Variants in SH3KBP1 observed in about 807,000 individuals in gnomAD.
SH3KBP1 encodes SH3 domain-containing kinase-binding protein 1.
SH3KBP1 carries 8 observed loss-of-function variants against 50.1 expected under a neutral mutation model. That is an observed-to-expected ratio of 0.16 (90% CI 0.09 to 0.29). The LOEUF is 0.29. Among genes scored for constraint, SH3KBP1 ranks in the 10% least tolerant of loss-of-function variants. The pLI is 1.00. For missense variants in SH3KBP1, 377 were observed against 535.2 expected, an observed-to-expected ratio of 0.70 and a Z score of 2.92; for synonymous variants, 227 against 218.6, an observed-to-expected ratio of 1.04 and a Z score of -0.34.
At chrX:19,852,577 A>AT (rs1341072273) in intron 1 of SH3KBP1, among the ~76,000 whole-genome samples, 1 of 97,012 alleles carries the variant, frequency 1.0e-5, no homozygotes, top group Non-Finnish European at 2.0e-5. Flanking sequence ...TCCTGCTCAT[A>AT]TTTTTTTCAA....
chrX:19,584,289 T>A (rs1320498813), intron 12 of SH3KBP1, among the ~76,000 whole-genome samples: 1 of 94,674 alleles, frequency 1.1e-5, no homozygotes, highest in African/African-American at 4.0e-5. Context: ...ATAAATATAT[T>A]TATATTTATA....
intron 13 of SH3KBP1, among the ~76,000 whole-genome samples, chrX:19,553,856 T>G (rs1420480133): frequency 1.2e-5 from 1 of 85,764 alleles, no homozygotes; most frequent in East Asian, 3.4e-4. Context: ...ATATATTATA[T>G]ATATTAAAAT....
At chrX:19,686,779 G>A (rs1052000467) in intron 5 of SH3KBP1, among the ~76,000 whole-genome samples, 2 of 110,868 alleles carry the variant, frequency 1.8e-5, no homozygotes, top group Admixed American at 1.9e-4. Flanking sequence ...ATCCATACAC[G>A]TAGGTATGTA....
chrX:19,757,102 T>C (rs1349816227), intron 2 of SH3KBP1, among the ~76,000 whole-genome samples: 2 of 110,035 alleles, frequency 1.8e-5, no homozygotes, highest in East Asian at 2.8e-4. Context: ...CATTGAGTAA[T>C]TGAAATATGT....
At position 19,607,931 on chromosome X, in the gene SH3KBP1, G is replaced by A. The variant is rs1325417459; in HGVS notation, c.1005+7C>T. The A allele has an allele frequency of 8.4e-7, 1 of 1,187,763 alleles. No individual in the cohort carries two copies. Among genetic ancestry groups the A allele is most frequent in the Non-Finnish European group, 1.1e-6 (1 of 874,949 alleles). ...ACTCCGCTGAAATCAAAGTGAAGGAGACTTACATTCCCTTCCTTTTCAAAG... is the reference window on the plus strand; with the variant it reads ...ACTCCGCTGAAATCAAAGTGAAGGAAACTTACATTCCCTTCCTTTTCAAAG... On this transcript the variant is annotated splice_region_variant and intron_variant, in intron 9 of 17. Coordinates refer to ENST00000397821, the MANE Select transcript of SH3KBP1 (RefSeq NM_031892.3).
intron 12 of SH3KBP1, among the ~76,000 whole-genome samples, chrX:19,570,424 C>T (rs1048762441): frequency 5.4e-5 from 6 of 111,666 alleles, no homozygotes; most frequent in African/African-American, 9.8e-5. Context: ...CCAAGTCCCC[C>T]GGGACCAAAG....
chrX:19,543,602 G>C (rs1202897606), intron 15 of SH3KBP1, among the ~76,000 whole-genome samples: 1 of 111,757 alleles, frequency 8.9e-6, no homozygotes, highest in Non-Finnish European at 1.9e-5. Context: ...ACTTGGTTGA[G>C]GCAGGAAGAC....
intron 1 of SH3KBP1, among the ~76,000 whole-genome samples, chrX:19,871,380 T>C (rs2069036951): frequency 8.9e-6 from 1 of 112,539 alleles, no homozygotes; most frequent in South Asian, 3.6e-4. Flanking sequence ...TACACAGCAG[T>C]ATTGAGTCAA....
chrX:19,665,425 T>C (rs1262179825), intron 6 of SH3KBP1, among the ~76,000 whole-genome samples: 2 of 112,097 alleles, frequency 1.8e-5, no homozygotes, highest in Non-Finnish European at 3.8e-5. Flanking sequence ...GTAAAATGGC[T>C]TGAGGATGGC....
At chrX:19,570,279 G>T (rs2065969022) in intron 12 of SH3KBP1, among the ~76,000 whole-genome samples, 1 of 112,060 alleles carries the variant, frequency 8.9e-6, no homozygotes, top group Admixed American at 9.5e-5. Context: ...GTCAGTGCAG[G>T]AGATCTGTGA....
intron 6 of SH3KBP1, among the ~76,000 whole-genome samples, chrX:19,649,658 A>G (rs2062076708): frequency 8.9e-6 from 1 of 111,996 alleles, no homozygotes; most frequent in Non-Finnish European, 1.9e-5. Context: ...AAAGCACTAA[A>G]TAAACGTTTC....
intron 13 of SH3KBP1, among the ~76,000 whole-genome samples, chrX:19,555,620 G>A (rs2065464874): frequency 8.9e-6 from 1 of 111,908 alleles, no homozygotes; most frequent in African/African-American, 3.3e-5. Context: ...ACCTGGCAAT[G>A]TCGCTACCTC....
At chrX:19,603,244 C>A (rs1212936802) in intron 9 of SH3KBP1, among the ~76,000 whole-genome samples, 3 of 112,278 alleles carry the variant, frequency 2.7e-5, no homozygotes, top group African/African-American at 9.7e-5. Context: ...TTGGTAAGAA[C>A]AACAAACTCC....
chrX:19,683,614 A>C (rs2063106731), intron 6 of SH3KBP1, among the ~76,000 whole-genome samples: 1 of 111,161 alleles, frequency 9.0e-6, no homozygotes, highest in South Asian at 3.8e-4. Context: ...GATCAGCAAG[A>C]AAGAAAGCAG....
intron 3 of SH3KBP1, 80 bp from the exon 4 acceptor site, chrX:19,707,064 G>A: frequency 2.4e-6 from 2 of 836,464 alleles, no homozygotes; most frequent in Non-Finnish European, 3.6e-6. Flanking sequence ...TAGGCATGCA[G>A]GCAAATTAAG....
intron 1 of SH3KBP1, among the ~76,000 whole-genome samples, chrX:19,882,538 A>G (rs2069467572): frequency 9.0e-6 from 1 of 111,506 alleles, no homozygotes; most frequent in African/African-American, 3.3e-5. Context: ...AAGCTGGAAA[A>G]GGCAAGGAAA....
chrX:19,571,096 G>A (rs751366287), intron 12 of SH3KBP1, among the ~76,000 whole-genome samples: 1 of 112,272 alleles, frequency 8.9e-6, no homozygotes, highest in Non-Finnish European at 1.9e-5. Flanking sequence ...ATCCTCCACC[G>A]CAGGAGGGGC....
At chrX:19,826,750 C>CATA (rs1208023905) in intron 2 of SH3KBP1, among the ~76,000 whole-genome samples, 55 of 108,668 alleles carry the variant, frequency 5.1e-4, no homozygotes, top group African/African-American at 1.7e-3. Flanking sequence ...CATAACATAA[C>CATA]ACACCCAGAA....
At chrX:19,676,973 T>G (rs2062943513) in intron 6 of SH3KBP1, among the ~76,000 whole-genome samples, 1 of 112,445 alleles carries the variant, frequency 8.9e-6, no homozygotes, top group Admixed American at 9.4e-5. Flanking sequence ...AGAAGCTTCT[T>G]GAAAGATTTC....
Sources: allele counts gnomAD v4.1 joint callset (sites outside exome capture counted in the v4.1 genomes callset), GRCh38; gene constraint gnomAD v4.1.1; transcripts MANE v1.5; gene names NCBI Gene and HGNC (gene_info 2026-07-23, HGNC 2026-07-21).